Variants in HSD17B12 observed in about 807,000 individuals in gnomAD.
HSD17B12 encodes the protein hydroxysteroid 17-beta dehydrogenase 12.
A neutral mutation model predicts 39.3 loss-of-function variants in HSD17B12; 32 were observed. That is an observed-to-expected ratio of 0.81 (90% CI 0.61 to 1.09). HSD17B12 has a LOEUF of 1.09. Among genes scored for constraint, HSD17B12 ranks in the 50% least tolerant of loss-of-function variants. HSD17B12 has a pLI of 0.00. For missense variants in HSD17B12, 342 were observed against 382.9 expected (o/e 0.89, Z 0.89); for synonymous variants, 150 against 146.7 (o/e 1.02, Z -0.16).
chr11:43,802,435 A>G (rs1019206417), intron 4 of HSD17B12, among the ~76,000 whole-genome samples: 6 of 152,136 alleles, frequency 3.9e-5, no homozygotes, highest in African/African-American at 1.4e-4. Flanking sequence ...TATATTTTCC[A>G]CTTAATAGCA....
At chr11:43,675,177 T>C in the HSD17B12 span, among the ~76,000 whole-genome samples, 11 of 152,326 alleles carry the variant, frequency 7.2e-5, no homozygotes, top group South Asian at 2.3e-3. Context: ...AAAGACCTAG[T>C]AATCAAACAA....
At chr11:43,787,693 C>T (rs1950828003) in intron 3 of HSD17B12, among the ~76,000 whole-genome samples, 1 of 150,426 alleles carries the variant, frequency 6.6e-6, no homozygotes, top group Non-Finnish European at 1.5e-5. Context: ...GCTAAGATTG[C>T]ACCACTGCAC....
intron 6 of HSD17B12, among the ~76,000 whole-genome samples, chr11:43,817,755 T>C (rs1226350645): frequency 6.6e-6 from 1 of 152,192 alleles, no homozygotes; most frequent in Non-Finnish European, 1.5e-5. Flanking sequence ...CGTTATAGTG[T>C]AGTTTGAAAT....
intron 1 of HSD17B12, among the ~76,000 whole-genome samples, chr11:43,703,128 T>A (rs943423095): frequency 6.6e-6 from 1 of 152,230 alleles, no homozygotes; most frequent in Non-Finnish European, 1.5e-5. Context: ...CTCCTCTAGT[T>A]TTCAGAATAG....
intron 1 of HSD17B12, among the ~76,000 whole-genome samples, chr11:43,705,535 G>A (rs1307335202): frequency 6.6e-6 from 1 of 152,056 alleles, no homozygotes; most frequent in Non-Finnish European, 1.5e-5. Flanking sequence ...ACATCTATAT[G>A]TGGATACGTT....
At chr11:43,708,362 C>G (rs558692524) in intron 1 of HSD17B12, among the ~76,000 whole-genome samples, 2 of 152,262 alleles carry the variant, frequency 1.3e-5, no homozygotes, top group South Asian at 4.1e-4. Context: ...TCTAGAAGGG[C>G]AGTAACTATG....
chr11:43,585,757 C>G, the HSD17B12 span, among the ~76,000 whole-genome samples: 5 of 152,144 alleles, frequency 3.3e-5, no homozygotes, highest in African/African-American at 1.2e-4. Context: ...GTTGTTAATT[C>G]CAAGAGGTTC....
chr11:43,589,002 ATTATTT>A, the HSD17B12 span, among the ~76,000 whole-genome samples: 8,128 of 121,392 alleles, frequency 0.067, 283 homozygotes, highest in Middle Eastern at 0.096. Flanking sequence ...TATTATTATT[ATTATTT>A]TGATGGGGAG....
At chr11:43,783,824 A>T (rs989296831) in intron 3 of HSD17B12, among the ~76,000 whole-genome samples, 6 of 152,276 alleles carry the variant, frequency 3.9e-5, no homozygotes, top group Middle Eastern at 3.4e-3. Flanking sequence ...AAACTGAGAA[A>T]CTTAAAAAAT....
rs141505214 is a variant in HSD17B12, at chr11:43,714,735, A to G, written c.160+33748A>G. 1.9e-3 allele frequency among the ~76,000 whole-genome samples: 287 copies of G among 152,256 alleles called. 1 individual carries two copies. Among genetic ancestry groups the G allele is most frequent in the African/African-American group, 6.6e-3 (273 of 41,542 alleles). On this transcript the variant is annotated intron_variant, in intron 1 of 10. Transcript: ENST00000278353. Reference sequence around the variant, plus strand: ...TGGGCAGAATGGCCATTTTCATGATATTGATTCTTCCTATCTATGAGCATG... The same window carrying G: ...TGGGCAGAATGGCCATTTTCATGATGTTGATTCTTCCTATCTATGAGCATG...
the HSD17B12 span, among the ~76,000 whole-genome samples, chr11:43,601,263 G>A: frequency 2.6e-5 from 4 of 151,328 alleles, no homozygotes; most frequent in African/African-American, 4.9e-5. Context: ...TTTTTTCTTC[G>A]GTTTCTTGAA....
chr11:43,618,710 C>A, the HSD17B12 span, among the ~76,000 whole-genome samples: 2 of 152,122 alleles, frequency 1.3e-5, no homozygotes, highest in Admixed American at 1.3e-4. Context: ...TAAGAAACTA[C>A]TTGCAAAATT....
chr11:43,636,149 A>T, the HSD17B12 span, among the ~76,000 whole-genome samples: 1 of 152,204 alleles, frequency 6.6e-6, no homozygotes, highest in Non-Finnish European at 1.5e-5. Flanking sequence ...ATGCCTATTT[A>T]TTTTTCAAAT....
chr11:43,716,941 T>C (rs1188191201), intron 1 of HSD17B12, among the ~76,000 whole-genome samples: 2 of 151,890 alleles, frequency 1.3e-5, no homozygotes, highest in East Asian at 3.9e-4. Flanking sequence ...ATTTAGTAAA[T>C]AGAAGGTACC....
rs1390169049 is a variant in HSD17B12 at position 43,778,458 on chromosome 11, A to T, written c.284-19862A>T. On this transcript the variant is annotated intron_variant, in intron 3 of 10. Transcript: ENST00000278353. Reference sequence around the variant, plus strand: ...TGAAACTATTCCAATCAATAGAAAAAGAGGGAATCCTCCCTAACTCATTTT... The same window carrying T: ...TGAAACTATTCCAATCAATAGAAAATGAGGGAATCCTCCCTAACTCATTTT... Among the ~76,000 whole-genome samples the T allele has an allele frequency of 2.0e-5, 3 of 152,088 alleles. No homozygotes were observed. The South Asian group carries it at 6.2e-4, about 32-fold the overall frequency.
chr11:43,565,808 G>T, the HSD17B12 span, among the ~76,000 whole-genome samples: 2 of 152,204 alleles, frequency 1.3e-5, no homozygotes, highest in Admixed American at 1.3e-4. Flanking sequence ...CTTCATCCTA[G>T]AAGTAATTTT....
Position 43,711,754 on chromosome 11 carries a change from C to T in HSD17B12, c.160+30767C>T, listed in dbSNP as rs1950068545. Among the ~76,000 whole-genome samples, 3 of 152,172 alleles carry T rather than the reference C, an allele frequency of 2.0e-5. No individual in the cohort carries two copies. The South Asian group carries it at 6.2e-4, about 32-fold the overall frequency. ...CCTCCCAAAGTGCTAGGATTACAGG[C>T]ATGAGCCACCACACCCGGCCTACAG... On this transcript the variant is annotated intron_variant, in intron 1 of 10. Transcript: ENST00000278353.
intron 3 of HSD17B12, among the ~76,000 whole-genome samples, chr11:43,791,829 GA>G (rs982535151): frequency 2.3e-4 from 35 of 152,138 alleles, no homozygotes; most frequent in Middle Eastern, 3.4e-3. Context: ...AGGCTATAAT[GA>G]AAAAAATATA....
the HSD17B12 span, among the ~76,000 whole-genome samples, chr11:43,668,375 A>T: frequency 6.6e-6 from 1 of 152,172 alleles, no homozygotes; most frequent in Admixed American, 6.5e-5. Flanking sequence ...GCTGGGAAAG[A>T]TTCTCCAATT....
Sources: allele counts gnomAD v4.1 joint callset (sites outside exome capture counted in the v4.1 genomes callset), GRCh38; gene constraint gnomAD v4.1.1; transcripts MANE v1.5; gene names NCBI Gene and HGNC (gene_info 2026-07-23, HGNC 2026-07-21).